The following CDHR2 variants were observed in gnomAD, a reference collection of about 807,000 sequenced individuals.
CDHR2 encodes the protein cadherin-related family member 2.
In CDHR2, 104 loss-of-function variants were observed where a neutral mutation model predicts 138.6. The ratio of observed to expected loss-of-function variants is 0.75; its 90% CI spans 0.64 to 0.88. The LOEUF (loss-of-function observed/expected upper bound fraction) is 0.88. CDHR2 is among the 40% of genes least tolerant of loss of function. The pLI is 0.00. For missense variants in CDHR2, 1,624 were observed against 1,727.6 expected (o/e 0.94, Z 1.06); for synonymous variants, 755 against 742.8 (o/e 1.02, Z -0.27).
rs1309287592 is a variant in CDHR2 at position 176,576,703 on chromosome 5, A to G, written c.1194+518A>G. On this transcript the variant is annotated intron_variant, in intron 12 of 31. Transcript: ENST00000261944. This position sits in a 1 kb window ranked among gnomAD's most constrained non-coding sequence, Gnocchi z 4.5. ...GGGATTCTCCTGCCTCAGCCTCCCA[A>G]GTAGCTGTGATTACAGGTGTGCACC... Among the ~76,000 whole-genome samples the G allele has an allele frequency of 2.6e-5, 4 of 151,878 alleles. No homozygotes were observed. The highest frequency in any genetic ancestry group is 4.4e-5 in the Non-Finnish European group (3 of 67,982).
intron 1 of CDHR2, among the ~76,000 whole-genome samples, chr5:176,562,171 C>T (rs1421953429): frequency 6.6e-6 from 1 of 151,862 alleles, no homozygotes; most frequent in African/African-American, 2.4e-5. Context: ...GGGGAGCCAT[C>T]GAAGGGTTTT....
intron 1 of CDHR2, among the ~76,000 whole-genome samples, chr5:176,558,025 G>A (rs1757880428): frequency 6.6e-6 from 1 of 151,812 alleles, no homozygotes; most frequent in Admixed American, 6.6e-5. Context: ...ATTTCTTAAA[G>A]TGAAAGATGA....
rs562693962 is a variant in CDHR2, at chr5:176,557,499, C to T, written c.-15-7839C>T. The stretch of plus-strand genomic sequence containing the variant: ...GGGATTATAGGCGTGAGCCACTGTG[C>T]CTGGCCTCATAATTTTTAAGACATT... On this transcript the variant is annotated intron_variant, in intron 1 of 31. Transcript: ENST00000261944. Among the ~76,000 whole-genome samples the T allele has an allele frequency of 6.7e-4, 102 of 151,816 alleles. 1 individual carries two copies. Among genetic ancestry groups the T allele is most frequent in the African/African-American group, 2.4e-3 (100 of 41,380 alleles).
Position 176,575,432 on chromosome 5 carries a change from C to T in CDHR2, c.768+6C>T, listed in dbSNP as rs375152272. ...TGGCTGAGGATGCAGCCAAGGTGCA[C>T]GGGGGACCTGTGGGGTGTGGGTGGA... On this transcript the variant is annotated splice_donor_region_variant and intron_variant, in intron 9 of 31. Transcript: ENST00000261944. 2.0e-5 allele frequency: 33 copies of T among 1,614,006 alleles called. No individual in the cohort carries two copies. The highest frequency in any genetic ancestry group is 1.6e-4 in the Middle Eastern group (1 of 6,084).
intron 19 of CDHR2, among the ~76,000 whole-genome samples, chr5:176,585,576 C>T (rs1452710489): frequency 6.6e-6 from 1 of 152,144 alleles, no homozygotes; most frequent in East Asian, 1.9e-4. Context: ...AGTATAATGT[C>T]ATAGGTGAGA....
At chr5:176,594,443 G>A (rs1758967128) in intron 31 of CDHR2, among the ~76,000 whole-genome samples, 1 of 152,188 alleles carries the variant, frequency 6.6e-6, no homozygotes, top group Non-Finnish European at 1.5e-5. Flanking sequence ...GTGAGTGGCT[G>A]GAGAGATTAT....
chr5:176,558,816 G>A (rs113358466), intron 1 of CDHR2, among the ~76,000 whole-genome samples: 44 of 152,308 alleles, frequency 2.9e-4, no homozygotes, highest in African/African-American at 8.7e-4. Flanking sequence ...CACCGCGCCC[G>A]GTTGCTTGCT....
At position 176,543,098 on chromosome 5, in the gene CDHR2, G is replaced by A. The variant is rs967007483; in HGVS notation, c.-16+329G>A. On this transcript the variant is annotated intron_variant, in intron 1 of 31. Coordinates refer to the CDHR2 transcript ENST00000510636. This position sits in a 1 kb window ranked among gnomAD's most constrained non-coding sequence, Gnocchi z 4.0. Reference sequence around the variant, plus strand: ...GGAGAAGAGCGGCGCAGCTCCCGCTGCCGGGCCCGGGACTGCGAGCTCCCG... The same window carrying A: ...GGAGAAGAGCGGCGCAGCTCCCGCTACCGGGCCCGGGACTGCGAGCTCCCG... Among the ~76,000 whole-genome samples, 6 of 151,490 alleles carry A rather than the reference G, an allele frequency of 4.0e-5. No homozygotes were observed. Among genetic ancestry groups the A allele is most frequent in the Non-Finnish European group, 5.9e-5 (4 of 67,664 alleles).
At chr5:176,571,600 G>A (rs1758233017) in intron 6 of CDHR2, among the ~76,000 whole-genome samples, 1 of 151,802 alleles carries the variant, frequency 6.6e-6, no homozygotes, top group Non-Finnish European at 1.5e-5. Context: ...GCAGTGGCAC[G>A]ATCTCGGCTC....
At chr5:176,562,861 A>C (rs1757994463) in intron 1 of CDHR2, among the ~76,000 whole-genome samples, 2 of 152,210 alleles carry the variant, frequency 1.3e-5, no homozygotes, top group South Asian at 4.1e-4. Flanking sequence ...TGCATGCAAC[A>C]TATGATCCAC....
intron 1 of CDHR2, among the ~76,000 whole-genome samples, chr5:176,561,931 C>T (rs556095256): frequency 1.3e-5 from 2 of 152,306 alleles, no homozygotes; most frequent in South Asian, 4.1e-4. Context: ...TGAGCCACCG[C>T]ACCCAGCCTT....
In CDHR2 at chr5:176,589,153, C is replaced by T. The variant is rs116761490; in HGVS notation, c.2979C>T (p.Ser993=). 19 of 1,614,168 alleles carry T rather than the reference C, an allele frequency of 1.2e-5. No homozygotes were observed. The highest frequency in any genetic ancestry group is 4.4e-5 in the South Asian group (4 of 91,086). Residue 993 remains serine (S), a synonymous_variant, in exon 22 of 32, where the codon TCC becomes TCT. Transcript: ENST00000261944. Reference sequence around the variant, plus strand: ...GTGTCTTCTCGATCTTCACCTCCTCCGAGGCCGACGTGTTCGCTGGGAGCA... The same window carrying T: ...GTGTCTTCTCGATCTTCACCTCCTCTGAGGCCGACGTGTTCGCTGGGAGCA... ...FQGVFSIFTS[S]EADVFAGSIQ...
intron 16 of CDHR2, among the ~76,000 whole-genome samples, chr5:176,579,288 G>A (rs1426253774): frequency 6.6e-6 from 1 of 152,226 alleles, no homozygotes; most frequent in Non-Finnish European, 1.5e-5. Context: ...GTAGTTTCCA[G>A]AGCATGTTCC....
Position 176,555,793 on chromosome 5 carries a change from C to T in CDHR2, c.-16+6379C>T, listed in dbSNP as rs879476507. Among the ~76,000 whole-genome samples, 69 of 151,710 alleles carry T rather than the reference C, an allele frequency of 4.5e-4. 2 individuals carry two copies. The South Asian group carries it at 0.012, about 26-fold the overall frequency. On this transcript the variant is annotated intron_variant, in intron 1 of 31. Coordinates refer to ENST00000261944, the MANE Select transcript of CDHR2 (RefSeq NM_017675.6). Reference sequence around the variant, plus strand: ...GTGGTGGCTCACGCCTGTAATCCTTCGGGAGGCTGAGGCAGCAGACTCGGT... The same window carrying T: ...GTGGTGGCTCACGCCTGTAATCCTTTGGGAGGCTGAGGCAGCAGACTCGGT...
rs150334010 is a variant in CDHR2 at position 176,575,769 on chromosome 5, T to G, written c.890T>G (p.Ile297Ser). The G allele has an allele frequency of 4.2e-5, 66 of 1,566,512 alleles. No homozygotes were observed. The African/African-American group carries it at 8.3e-4, about 20-fold the overall frequency. The change falls in exon 11 of 32, where the codon ATC becomes AGC. Residue 297 changes from isoleucine to serine, a missense_variant. This residue lies in a region of CDHR2 where 1,061 missense variants were observed against 1,136.6 expected (regional missense o/e 0.93). Transcript: ENST00000261944. ...TTTGACATCGGGGCAGATGGGGTGATCAGGGTCAACGGCTCCCTGGACCGT... is the reference window on the plus strand; with the variant it reads ...TTTGACATCGGGGCAGATGGGGTGAGCAGGGTCAACGGCTCCCTGGACCGT... The part of the protein sequence containing the change: ...GWFDIGADGV[I>S]RVNGSLDREQ...
Position 176,575,559 on chromosome 5 carries a change from C to A in CDHR2, c.822C>A (p.Asp274Glu), listed in dbSNP as rs1758355055. Reference sequence around the variant, plus strand: ...TGGATGGCGACAAAGGCATCAATGACCCTGTGATCTACAGCATCTCCTGTG... The same window carrying A: ...TGGATGGCGACAAAGGCATCAATGAACCTGTGATCTACAGCATCTCCTGTG... ...EAVDGDKGINDPVIYSISYST... is the reference protein window; with the variant it reads ...EAVDGDKGINEPVIYSISYST... Residue 274 changes from aspartate to glutamate, a missense_variant, in exon 10 of 32, where the codon GAC (aspartate) becomes GAA (glutamate). By Grantham distance (45) the Asp-to-Glu change is conservative (BLOSUM62 2). Coordinates refer to ENST00000261944, the MANE Select transcript of CDHR2 (RefSeq NM_017675.6). 6.2e-7 allele frequency: 1 copy of A among 1,614,140 alleles called. No individual in the cohort carries two copies. The highest frequency in any genetic ancestry group is 1.1e-5 in the South Asian group (1 of 91,078).
chr5:176,595,503 C>T (rs753073978), intron 31 of CDHR2, 29 bp from the exon 32 acceptor site: 18 of 1,561,562 alleles, frequency 1.2e-5, no homozygotes, highest in Admixed American at 3.7e-5. Flanking sequence ...TTGCCTTGCC[C>T]TTCACACCTC....
At chr5:176,570,395 G>A (rs974384180) in intron 5 of CDHR2, among the ~76,000 whole-genome samples, 1 of 152,180 alleles carries the variant, frequency 6.6e-6, no homozygotes, top group African/African-American at 2.4e-5. Flanking sequence ...GCCCAGGCTG[G>A]AGTGCAGTGG....
chr5:176,594,120 A>T (rs185188338), intron 31 of CDHR2, among the ~76,000 whole-genome samples: 11 of 152,306 alleles, frequency 7.2e-5, no homozygotes, highest in Admixed American at 7.2e-4. Flanking sequence ...GGGAAGGGGC[A>T]GGGAAGTAGG....
Sources: gnomAD v4.1 joint callset for allele counts (sites outside exome capture counted in the v4.1 genomes callset) on GRCh38, gnomAD v4.1.1 for gene constraint, gnomAD v4.1.1 regional missense constraint, Gnocchi (gnomAD v3.1) non-coding constraint, MANE v1.5 for transcripts, NCBI Gene and HGNC (gene_info 2026-07-23, HGNC 2026-07-21) for gene names.